The following FMNL2 variants were observed in gnomAD, a reference collection of about 807,000 sequenced individuals.
The protein encoded by FMNL2 is formin like 2.
A neutral mutation model predicts 130.2 loss-of-function variants in FMNL2; 51 were observed. The observed-to-expected ratio is 0.39, with a 90% CI of 0.31 to 0.49. The LOEUF (loss-of-function observed/expected upper bound fraction) is 0.49. Among genes scored for constraint, FMNL2 ranks in the 20% least tolerant of loss-of-function variants. The pLI, the probability that FMNL2 is intolerant of heterozygous loss-of-function variation, is 0.85. For synonymous variants in FMNL2, 465 were observed against 467.1 expected, an observed-to-expected ratio of 1.00 and a Z score of 0.06; for missense variants, 977 against 1,316.2, an observed-to-expected ratio of 0.74 and a Z score of 3.99.
intron 25 of FMNL2, among the ~76,000 whole-genome samples, chr2:152,642,271 T>C (rs527370911): frequency 3.5e-4 from 53 of 152,250 alleles, no homozygotes; most frequent in Admixed American, 7.2e-4. Flanking sequence ...TTAGTGAACA[T>C]TGTACATTGG....
At chr2:152,620,102 G>C (rs1440464408) in intron 15 of FMNL2, among the ~76,000 whole-genome samples, 1 of 152,014 alleles carries the variant, frequency 6.6e-6, no homozygotes, top group Non-Finnish European at 1.5e-5. Context: ...CAGACATTGA[G>C]TGCTTCTGGA....
At chr2:152,379,621 A>G (rs1337547346) in intron 1 of FMNL2, among the ~76,000 whole-genome samples, 1 of 152,100 alleles carries the variant, frequency 6.6e-6, no homozygotes, top group East Asian at 1.9e-4. Context: ...TAATTTTAAA[A>G]CCTAAATACT....
intron 9 of FMNL2, among the ~76,000 whole-genome samples, chr2:152,606,180 C>T (rs1698348088): frequency 6.6e-6 from 1 of 152,124 alleles, no homozygotes; most frequent in Non-Finnish European, 1.5e-5. Context: ...GAGGATTGAC[C>T]TGAGTTATCC....
chr2:152,495,121 T>C (rs1267737315), intron 1 of FMNL2, among the ~76,000 whole-genome samples: 1 of 152,164 alleles, frequency 6.6e-6, no homozygotes, highest in African/African-American at 2.4e-5. Context: ...TATTATTCTA[T>C]ATATTACAAA....
At chr2:152,637,725 T>C in intron 23 of FMNL2, 51 bp downstream of exon 23, 1 of 1,524,514 alleles carries the variant, frequency 6.6e-7, no homozygotes, top group Non-Finnish European at 9.1e-7. Flanking sequence ...TTGCCCTCCT[T>C]GAGATGTGTC....
intron 1 of FMNL2, among the ~76,000 whole-genome samples, chr2:152,439,742 G>C (rs1176560886): frequency 6.6e-6 from 1 of 150,550 alleles, no homozygotes; most frequent in Non-Finnish European, 1.5e-5. Context: ...ATCCTAGCTG[G>C]GGAAAGAATA....
intron 6 of FMNL2, among the ~76,000 whole-genome samples, chr2:152,569,602 A>G (rs1385626293): frequency 6.7e-6 from 1 of 150,050 alleles, no homozygotes; most frequent in East Asian, 2.0e-4. Context: ...GATCACTTGA[A>G]CATGGGAGGT....
chr2:152,532,385 T>G (rs936560085), intron 2 of FMNL2, among the ~76,000 whole-genome samples: 8 of 152,224 alleles, frequency 5.3e-5, no homozygotes, highest in African/African-American at 1.9e-4. Context: ...AGCGATGTAA[T>G]AGCGTCCCTG....
intron 1 of FMNL2, among the ~76,000 whole-genome samples, chr2:152,347,160 C>A (rs1682173935): frequency 6.6e-6 from 1 of 152,110 alleles, no homozygotes; most frequent in African/African-American, 2.4e-5. Flanking sequence ...GAATCAGAAT[C>A]CCTCCCTCCC....
intron 1 of FMNL2, among the ~76,000 whole-genome samples, chr2:152,381,065 G>GA (rs1310870977): frequency 6.6e-6 from 1 of 152,178 alleles, no homozygotes; most frequent in African/African-American, 2.4e-5. Flanking sequence ...TGATGTAAAA[G>GA]AAGCCTTGTT....
At chr2:152,449,218 G>A (rs759495076) in intron 1 of FMNL2, among the ~76,000 whole-genome samples, 1 of 151,894 alleles carries the variant, frequency 6.6e-6, no homozygotes, top group Non-Finnish European at 1.5e-5. Flanking sequence ...TTCTCTTTCC[G>A]GAACTATGGG....
chr2:152,377,634 A>C (rs984123176), intron 1 of FMNL2, among the ~76,000 whole-genome samples: 12 of 152,186 alleles, frequency 7.9e-5, no homozygotes, highest in Non-Finnish European at 1.8e-4. Context: ...TCATCACAGA[A>C]AGTTCCATTG....
chr2:152,639,849 T>TA, intron 23 of FMNL2, 109 bp from the exon 24 acceptor site: 3 of 722,288 alleles, frequency 4.2e-6, no homozygotes, highest in Non-Finnish European at 5.9e-6. Flanking sequence ...CAACCTTCCA[T>TA]TTATTGTAAT....
intron 6 of FMNL2, among the ~76,000 whole-genome samples, chr2:152,572,737 T>C (rs985065276): frequency 9.9e-5 from 15 of 151,950 alleles, no homozygotes; most frequent in Non-Finnish European, 1.9e-4. Flanking sequence ...AGTGAGACCC[T>C]TGTCTCCAAA....
intron 6 of FMNL2, among the ~76,000 whole-genome samples, chr2:152,563,516 A>AT (rs1048131377): frequency 6.6e-6 from 1 of 152,116 alleles, no homozygotes; most frequent in African/African-American, 2.4e-5. Flanking sequence ...CTAATTCTGT[A>AT]TTTGGTCATT....
chr2:152,501,615 T>C (rs16831240), intron 1 of FMNL2, among the ~76,000 whole-genome samples: 2,378 of 152,304 alleles, frequency 0.016, 71 homozygotes, highest in African/African-American at 0.054. Flanking sequence ...GTCTCAGGAA[T>C]ATTTACACAG....
chr2:152,481,509 C>A (rs1690521239), intron 1 of FMNL2, among the ~76,000 whole-genome samples: 1 of 152,116 alleles, frequency 6.6e-6, no homozygotes, highest in African/African-American at 2.4e-5. Flanking sequence ...ATAGTGCTGC[C>A]CAGGCTTTTC....
At chr2:152,502,036 T>C (rs1310607798) in intron 1 of FMNL2, among the ~76,000 whole-genome samples, 2 of 152,192 alleles carry the variant, frequency 1.3e-5, no homozygotes, top group South Asian at 2.1e-4. Flanking sequence ...AACAAGAAAA[T>C]GTTGATGCCT....
intron 2 of FMNL2, among the ~76,000 whole-genome samples, chr2:152,524,913 T>C (rs1693300334): frequency 6.6e-6 from 1 of 152,200 alleles, no homozygotes; most frequent in South Asian, 2.1e-4. Flanking sequence ...CCCAAGCCAC[T>C]CTGACTTTAC....
Sources: gnomAD v4.1 joint callset for allele counts (sites outside exome capture counted in the v4.1 genomes callset) on GRCh38, gnomAD v4.1.1 for gene constraint, MANE v1.5 for transcripts, NCBI Gene and HGNC (gene_info 2026-07-23, HGNC 2026-07-21) for gene names.